PPFIBP1: variants seen among roughly 807,000 people sequenced by gnomAD.
PPFIBP1 encodes liprin-beta-1.
Under a neutral mutation model 137.8 loss-of-function variants are expected in PPFIBP1, and 112 were observed. The ratio of observed to expected loss-of-function variants is 0.81; its 90% CI spans 0.70 to 0.95. PPFIBP1 has a LOEUF of 0.95. PPFIBP1 is among the 40% of genes least tolerant of loss of function. The pLI is 0.00. For synonymous variants in PPFIBP1, 378 were observed against 417.3 expected (o/e 0.91, Z 1.15); for missense variants, 1,083 against 1,196.6 (o/e 0.91, Z 1.40).
At chr12:27,633,202 G>A (rs1251777045) in intron 2 of PPFIBP1, among the ~76,000 whole-genome samples, 160 bp from the exon 3 acceptor site, 3 of 152,146 alleles carry the variant, frequency 2.0e-5, no homozygotes, top group African/African-American at 7.2e-5. Context: ...ATGTGGTCTT[G>A]TGCTACAGTA....
At chr12:27,646,843 G>T (rs2058534385) in intron 5 of PPFIBP1, among the ~76,000 whole-genome samples, 2 of 152,212 alleles carry the variant, frequency 1.3e-5, no homozygotes, top group South Asian at 4.2e-4. Flanking sequence ...TGATTATTGA[G>T]GAAAAACTCA....
At chr12:27,646,421 T>C in intron 5 of PPFIBP1, 1 of 412,978 alleles carries the variant, frequency 2.4e-6, no homozygotes, top group Non-Finnish European at 4.6e-6. Flanking sequence ...TTTTTTTTTT[T>C]TTTTTGGAGG....
chr12:27,692,926 T>C lies in PPFIBP1; in HGVS notation c.*44T>C. 6.2e-7 allele frequency: 1 copy of C among 1,609,320 alleles called. No individual in the cohort carries two copies. The highest frequency in any genetic ancestry group is 8.5e-7 in the Non-Finnish European group (1 of 1,177,882). On this transcript the variant is annotated 3_prime_UTR_variant, in exon 30 of 30. Transcript: ENST00000228425. Reference sequence around the variant, plus strand: ...CATTAGGAGTGCTTAGTCTTTTTTCTACTTGCTTTTCCAAACACTCACAGT... The same window carrying C: ...CATTAGGAGTGCTTAGTCTTTTTTCCACTTGCTTTTCCAAACACTCACAGT...
chr12:27,667,507 T>C (rs2059927893), intron 13 of PPFIBP1, among the ~76,000 whole-genome samples, 187 bp downstream of exon 13: 1 of 152,206 alleles, frequency 6.6e-6, no homozygotes, highest in Non-Finnish European at 1.5e-5. Context: ...TTGAATAAAA[T>C]TTTCTTCTGA....
chr12:27,645,164 T>A (rs771778994), intron 4 of PPFIBP1, among the ~76,000 whole-genome samples: 7 of 152,260 alleles, frequency 4.6e-5, no homozygotes, highest in Non-Finnish European at 7.3e-5. Flanking sequence ...GGATTTCAGC[T>A]GGCTTTTATT....
At chr12:27,659,967 A>T (rs951711264) in intron 10 of PPFIBP1, among the ~76,000 whole-genome samples, 1 of 149,390 alleles carries the variant, frequency 6.7e-6, no homozygotes, top group African/African-American at 2.5e-5. Flanking sequence ...ATCTTCAGTA[A>T]TTTTTTTTTT....
At chr12:27,658,154 A>G (rs1188756300) in intron 9 of PPFIBP1, among the ~76,000 whole-genome samples, 3 of 151,692 alleles carry the variant, frequency 2.0e-5, no homozygotes, top group Non-Finnish European at 4.4e-5. Flanking sequence ...AAAAAAAAAA[A>G]AAAGAATAAA....
At position 27,528,623 on chromosome 12, in the gene PPFIBP1, T is replaced by G. The variant is rs144368258; in HGVS notation, c.-124+4258T>G. ...CCTTCATTTTAGATATAATAATTAC[T>G]GATGCTCAATTGGTGTTCAGTGATA... On this transcript the variant is annotated intron_variant, in intron 1 of 29. Transcript: ENST00000228425. Among the ~76,000 whole-genome samples, 28 of 152,330 alleles carry G rather than the reference T, an allele frequency of 1.8e-4. 1 individual carries two copies. The East Asian group carries it at 5.4e-3, about 29-fold the overall frequency.
intron 2 of PPFIBP1, 149 bp downstream of exon 2, chr12:27,578,388 G>A (rs570876896): frequency 6.6e-6 from 1 of 152,060 alleles, no homozygotes; most frequent in Non-Finnish European, 1.5e-5. Context: ...GTATCTGCTC[G>A]CCCTTTTAAA....
chr12:27,692,767 G>C, intron 29 of PPFIBP1, 29 bp from the exon 30 acceptor site: 1 of 1,614,042 alleles, frequency 6.2e-7, no homozygotes, highest in Non-Finnish European at 8.5e-7. Flanking sequence ...TTGGCTCTCA[G>C]TGTGACTCCC....
At chr12:27,627,504 T>C (rs1592960467) in intron 2 of PPFIBP1, among the ~76,000 whole-genome samples, 1 of 152,224 alleles carries the variant, frequency 6.6e-6, no homozygotes, top group East Asian at 1.9e-4. Flanking sequence ...TTCAGGGTTC[T>C]CTTTCAAGCC....
At chr12:27,581,846 C>G (rs932371939) in intron 2 of PPFIBP1, among the ~76,000 whole-genome samples, 3 of 151,732 alleles carry the variant, frequency 2.0e-5, no homozygotes. Flanking sequence ...AAAATGTTTT[C>G]TTTTCCATTT....
At chr12:27,640,913 CAT>C (rs1233225628) in intron 4 of PPFIBP1, among the ~76,000 whole-genome samples, 1 of 152,096 alleles carries the variant, frequency 6.6e-6, no homozygotes, top group African/African-American at 2.4e-5. Context: ...AAAATGCTGT[CAT>C]AGTAATTATT....
chr12:27,676,545 CG>C lies in PPFIBP1; in HGVS notation c.1532del (p.Gly511AlafsTer17). ...GTRKVRSSFG[R>X]GFFKIKSNKR... ...TCGAAAAGTCAGATCTTCCTTTGGC[CG>C]GGGCTTTTTTAAAATCAAAAGTAAC... On this transcript the variant is annotated frameshift_variant, in exon 18 of 30. Coordinates refer to ENST00000228425, the MANE Select transcript of PPFIBP1 (RefSeq NM_003622.4). LOFTEE classifies it high-confidence loss of function. 6.2e-7 allele frequency: 1 copy of C among 1,607,650 alleles called. No homozygotes were observed. The highest frequency in any genetic ancestry group is 8.5e-7 in the Non-Finnish European group (1 of 1,176,194).
rs908323841 is a variant in PPFIBP1, at chr12:27,694,741, A to G, written c.*1859A>G. The G allele has an allele frequency of 6.6e-6, 1 of 152,204 alleles. No homozygotes were observed. The highest frequency in any genetic ancestry group is 2.4e-5 in the African/African-American group (1 of 41,456). The allele number at this position is 152,204 out of a possible 1,614,324, so 9.4% of individuals were successfully genotyped here. Reference sequence around the variant, plus strand: ...TAGAAAAATATTCTATTTTTTATTCAGTGCTGCGTAATTACCCATGGTAGC... The same window carrying G: ...TAGAAAAATATTCTATTTTTTATTCGGTGCTGCGTAATTACCCATGGTAGC... On this transcript the variant is annotated 3_prime_UTR_variant, in exon 30 of 30. Coordinates refer to ENST00000228425, the MANE Select transcript of PPFIBP1 (RefSeq NM_003622.4).
intron 4 of PPFIBP1, among the ~76,000 whole-genome samples, chr12:27,638,410 G>A (rs2057842905): frequency 6.6e-6 from 1 of 152,192 alleles, no homozygotes; most frequent in Non-Finnish European, 1.5e-5. Flanking sequence ...AATGCAGGCT[G>A]CAGTGACTGC....
intron 2 of PPFIBP1, among the ~76,000 whole-genome samples, chr12:27,596,905 T>C (rs2053375980): frequency 6.6e-6 from 1 of 152,168 alleles, no homozygotes; most frequent in Non-Finnish European, 1.5e-5. Flanking sequence ...GATTCAAACA[T>C]AGGTAGTCTG....
intron 1 of PPFIBP1, among the ~76,000 whole-genome samples, chr12:27,555,839 G>T (rs1324079388): frequency 6.6e-6 from 1 of 152,002 alleles, no homozygotes; most frequent in Non-Finnish European, 1.5e-5. Context: ...AGCAAGTTGG[G>T]CACCATTTTA....
chr12:27,572,665 G>C (rs1323339887), intron 1 of PPFIBP1, among the ~76,000 whole-genome samples: 1 of 152,122 alleles, frequency 6.6e-6, no homozygotes, highest in Non-Finnish European at 1.5e-5. Flanking sequence ...CATGGAAAAT[G>C]GGTTCACTGA....
Sources: allele counts gnomAD v4.1 joint callset (sites outside exome capture counted in the v4.1 genomes callset), GRCh38; gene constraint gnomAD v4.1.1; transcripts MANE v1.5; gene names NCBI Gene and HGNC (gene_info 2026-07-23, HGNC 2026-07-21).